LONP2: variants seen among roughly 807,000 people sequenced by gnomAD.
The protein encoded by LONP2 is lon protease homolog 2, peroxisomal.
In LONP2, 60 loss-of-function variants were observed where a neutral mutation model predicts 85.6. The ratio of observed to expected loss-of-function variants is 0.70; its 90% confidence interval spans 0.57 to 0.87. The LOEUF (loss-of-function observed/expected upper bound fraction) is 0.87, where lower values mean the gene tolerates loss of function less well. Ranked by LOEUF, LONP2 falls within the 40% of genes least tolerant of loss-of-function variation. The pLI is 0.00. For missense variants in LONP2, 860 were observed against 1,063.5 expected (o/e 0.81, Z 2.66); for synonymous variants, 395 against 389.7 (o/e 1.01, Z -0.16).
chr16:48,336,457 G>C (rs1247110201), intron 12 of LONP2: 1 of 456,052 alleles, frequency 2.2e-6, no homozygotes, highest in African/African-American at 2.0e-5. Flanking sequence ...CACCAAACAG[G>C]CTTTGTGTGA....
chr16:48,299,193 G>T (rs12448215), intron 9 of LONP2, among the ~76,000 whole-genome samples: 14,136 of 151,996 alleles, frequency 0.093, 901 homozygotes, highest in Admixed American at 0.19. Context: ...TGCCTGGCCA[G>T]AATAAATTTC....
At chr16:48,342,356 A>G (rs1959842016) in intron 12 of LONP2, among the ~76,000 whole-genome samples, 1 of 152,200 alleles carries the variant, frequency 6.6e-6, no homozygotes, top group Non-Finnish European at 1.5e-5. Context: ...AGCAAACAAA[A>G]TTAGCTGCTA....
At chr16:48,299,874 A>T (rs1972766285) in intron 10 of LONP2, 86 bp downstream of exon 10, 2 of 1,386,060 alleles carry the variant, frequency 1.4e-6, no homozygotes. Flanking sequence ...GAGTATCAAT[A>T]TTTGAGTTTT....
chr16:48,311,585 G>A (rs1037707218), intron 11 of LONP2, among the ~76,000 whole-genome samples: 1 of 151,542 alleles, frequency 6.6e-6, no homozygotes, highest in Non-Finnish European at 1.5e-5. Context: ...TGACTTCTTT[G>A]TATTAGTTTT....
rs546741004 is a variant in LONP2, at chr16:48,356,609, A to T, written c.*4807A>T. 1.1e-5 allele frequency: 3 copies of T among 277,680 alleles called. No individual in the cohort carries two copies. Among genetic ancestry groups the T allele is most frequent in the African/African-American group, 6.7e-5 (3 of 45,040 alleles). 17.2% of individuals were successfully genotyped at this position (277,680 alleles called of 1,614,324 possible). Reference sequence around the variant, plus strand: ...GCTCATTTTTTTTGTTTGTTTTACAAACATTTGGTGGATACCACAATGAAA... The same window carrying T: ...GCTCATTTTTTTTGTTTGTTTTACATACATTTGGTGGATACCACAATGAAA... On this transcript the variant is annotated 3_prime_UTR_variant, in exon 15 of 15. Transcript: ENST00000285737.
chr16:48,258,892 T>G (rs1247060467), intron 4 of LONP2, 152 bp downstream of exon 4: 1 of 701,250 alleles, frequency 1.4e-6, no homozygotes, highest in Non-Finnish European at 2.1e-6. Context: ...CCTGGATTTT[T>G]TTTTAAAGCA....
chr16:48,338,153 A>G (rs1959709167), intron 12 of LONP2, among the ~76,000 whole-genome samples: 1 of 152,006 alleles, frequency 6.6e-6, no homozygotes, highest in Non-Finnish European at 1.5e-5. Flanking sequence ...CTTAGGGTAA[A>G]TTACAGTCTA....
intron 12 of LONP2, among the ~76,000 whole-genome samples, chr16:48,337,160 C>A (rs1959675557): frequency 6.6e-6 from 1 of 152,240 alleles, no homozygotes; most frequent in African/African-American, 2.4e-5. Context: ...AGTTAGGATT[C>A]AGACTCAGAT....
chr16:48,326,055 A>C (rs999354876), intron 11 of LONP2, among the ~76,000 whole-genome samples: 2 of 152,218 alleles, frequency 1.3e-5, no homozygotes, highest in Non-Finnish European at 2.9e-5. Flanking sequence ...TTCCTTAGAT[A>C]TAAATGGAGG....
At chr16:48,244,993 C>T (rs952105234) in intron 1 of LONP2, among the ~76,000 whole-genome samples, 67 of 152,244 alleles carry the variant, frequency 4.4e-4, no homozygotes, top group Admixed American at 1.4e-3. Context: ...CCTTCACTTG[C>T]CTTCGCTTTT....
At chr16:48,262,726 T>A (rs756905012) in intron 5 of LONP2, 52 bp from the exon 6 acceptor site, 4 of 1,166,360 alleles carry the variant, frequency 3.4e-6, no homozygotes, top group Non-Finnish European at 5.0e-6. Context: ...TTTTCTGTTA[T>A]GGAATTTTTC....
At chr16:48,288,539 C>T (rs964708049) in intron 8 of LONP2, among the ~76,000 whole-genome samples, 2 of 152,100 alleles carry the variant, frequency 1.3e-5, no homozygotes, top group Non-Finnish European at 2.9e-5. Flanking sequence ...AAATTTATTT[C>T]CTTATGGTTT....
chr16:48,244,608 C>T lies in LONP2; in HGVS notation c.220C>T (p.Pro74Ser). The stretch of plus-strand genomic sequence containing the variant: ...CCCCGCCAGCGACGCGCAGGACCTG[C>T]CGCCGCTGCACAGGTAGGCCTGGCT... ...PDPASDAQDL[P>S]PLHRIGTAAL... is the part of the protein sequence containing the mutation. Residue 74 changes from proline (P) to serine (S), a missense_variant, in exon 1 of 15, where the codon CCG (proline) becomes TCG (serine). Physicochemically the swap from Pro to Ser is moderately conservative, Grantham distance 74. This residue lies in a region of LONP2 where 743 missense variants were observed against 917.3 expected (regional missense o/e 0.81). Coordinates refer to ENST00000285737, the MANE Select transcript of LONP2 (RefSeq NM_031490.5). 1.4e-6 allele frequency: 2 copies of T among 1,477,944 alleles called. No individual in the cohort carries two copies. The highest frequency in any genetic ancestry group is 1.8e-6 in the Non-Finnish European group (2 of 1,117,310). The allele number at this position is 1,477,944 out of a possible 1,614,324, so 91.6% of individuals were successfully genotyped here.
At chr16:48,307,396 A>T (rs546576116) in intron 11 of LONP2, among the ~76,000 whole-genome samples, 15 of 152,312 alleles carry the variant, frequency 9.8e-5, no homozygotes, top group African/African-American at 3.6e-4. Flanking sequence ...AAAGACACAA[A>T]TGTCCCATGT....
At chr16:48,293,312 C>T (rs1425921587) in intron 8 of LONP2, among the ~76,000 whole-genome samples, 1 of 152,056 alleles carries the variant, frequency 6.6e-6, no homozygotes, top group Non-Finnish European at 1.5e-5. Context: ...CCTGTAGTCC[C>T]AGCTACTCGG....
intron 1 of LONP2, among the ~76,000 whole-genome samples, chr16:48,251,164 A>T (rs1338455435): frequency 2.6e-5 from 4 of 152,156 alleles, no homozygotes; most frequent in Admixed American, 2.6e-4. Flanking sequence ...GTATTACATG[A>T]TTTATTATCT....
chr16:48,278,742 T>G (rs1972266226), intron 8 of LONP2, among the ~76,000 whole-genome samples: 2 of 152,212 alleles, frequency 1.3e-5, no homozygotes, highest in Non-Finnish European at 2.9e-5. Flanking sequence ...TAATCTGCCT[T>G]GGCATGGGTT....
At chr16:48,267,325 A>G (rs936222066) in intron 6 of LONP2, among the ~76,000 whole-genome samples, 1 of 152,156 alleles carries the variant, frequency 6.6e-6, no homozygotes. Context: ...TTTGAGATGG[A>G]GTCTCGCTCT....
At chr16:48,285,227 C>G (rs1212178022) in intron 8 of LONP2, among the ~76,000 whole-genome samples, 1 of 151,928 alleles carries the variant, frequency 6.6e-6, no homozygotes, top group Non-Finnish European at 1.5e-5. Context: ...TGGCGGATCT[C>G]TTATGCCTAA....
Sources: gnomAD v4.1 joint callset for allele counts (sites outside exome capture counted in the v4.1 genomes callset) on GRCh38, gnomAD v4.1.1 for gene constraint, gnomAD v4.1.1 regional missense constraint, MANE v1.5 for transcripts, NCBI Gene and HGNC (gene_info 2026-07-23, HGNC 2026-07-21) for gene names.